The following IGF1R variants were observed in gnomAD, a reference collection of about 807,000 sequenced individuals.
IGF1R encodes insulin-like growth factor 1 receptor.
IGF1R carries 44 observed loss-of-function variants against 144.6 expected under a neutral mutation model. The ratio of observed to expected loss-of-function variants is 0.30; its 90% CI spans 0.24 to 0.39. The LOEUF is 0.39. IGF1R is among the 10% of genes least tolerant of loss of function. The pLI is 1.00. For missense variants in IGF1R, 1,355 were observed against 1,833.7 expected (o/e 0.74, Z 4.77); for synonymous variants, 795 against 722.8 (o/e 1.10, Z -1.60).
At chr15:98,936,937 G>T (rs2016176767) in intron 17 of IGF1R, among the ~76,000 whole-genome samples, 1 of 152,154 alleles carries the variant, frequency 6.6e-6, no homozygotes, top group South Asian at 2.1e-4. Flanking sequence ...CCAGGCTGGG[G>T]TGCAGTGGCA....
chr15:98,821,865 G>GCA (rs61539886), intron 2 of IGF1R, among the ~76,000 whole-genome samples: 2,926 of 151,778 alleles, frequency 0.019, 98 homozygotes, highest in African/African-American at 0.067. Flanking sequence ...GTGTATGTGT[G>GCA]CACACACACA....
chr15:98,728,995 A>G (rs2054432562), intron 2 of IGF1R, among the ~76,000 whole-genome samples: 1 of 152,238 alleles, frequency 6.6e-6, no homozygotes, highest in Admixed American at 6.5e-5. Context: ...AGAGGTAAAG[A>G]AAAGGGGTTA....
At chr15:98,864,681 C>T (rs2012332770) in intron 2 of IGF1R, among the ~76,000 whole-genome samples, 1 of 152,218 alleles carries the variant, frequency 6.6e-6, no homozygotes, top group Non-Finnish European at 1.5e-5. Context: ...CCACAGCGCT[C>T]AGCCTAAAAA....
At chr15:98,669,024 T>G (rs1458276937) in intron 1 of IGF1R, among the ~76,000 whole-genome samples, 2 of 152,260 alleles carry the variant, frequency 1.3e-5, no homozygotes, top group Admixed American at 6.5e-5. Context: ...CATTATGTTG[T>G]TTTGTTTCTG....
intron 2 of IGF1R, among the ~76,000 whole-genome samples, chr15:98,746,063 G>GC (rs1425046838): frequency 2.0e-5 from 3 of 152,184 alleles, no homozygotes; most frequent in African/African-American, 7.2e-5. Flanking sequence ...AGTATGCCCT[G>GC]CACCCCTGTG....
At chr15:98,735,161 A>G (rs1285081113) in intron 2 of IGF1R, among the ~76,000 whole-genome samples, 3 of 152,016 alleles carry the variant, frequency 2.0e-5, no homozygotes, top group Non-Finnish European at 4.4e-5. Flanking sequence ...AGAGGTGACC[A>G]CCCCTCGTTT....
intron 11 of IGF1R, 89 bp downstream of exon 11, chr15:98,922,520 G>T (rs2015532808): frequency 6.7e-7 from 1 of 1,499,582 alleles, no homozygotes; most frequent in African/African-American, 1.4e-5. Context: ...CTGACACCCA[G>T]GGCCATGACC....
At chr15:98,947,407 G>A (rs896008430) in intron 19 of IGF1R, among the ~76,000 whole-genome samples, 1 of 152,182 alleles carries the variant, frequency 6.6e-6, no homozygotes, top group Non-Finnish European at 1.5e-5. Context: ...CCTGCCCCAG[G>A]TTTTTCCATG....
chr15:98,794,259 C>T (rs2056190606), intron 2 of IGF1R, among the ~76,000 whole-genome samples: 1 of 152,180 alleles, frequency 6.6e-6, no homozygotes, highest in Non-Finnish European at 1.5e-5. Context: ...TTAGATGGCC[C>T]TCAAAGGTAC....
intron 2 of IGF1R, among the ~76,000 whole-genome samples, chr15:98,800,866 G>A (rs138945929): frequency 6.6e-6 from 1 of 152,264 alleles, no homozygotes; most frequent in Non-Finnish European, 1.5e-5. Context: ...GCAGCAGTTG[G>A]GTAATACATT....
At chr15:98,705,504 A>T (rs1343001043) in intron 1 of IGF1R, among the ~76,000 whole-genome samples, 2 of 152,186 alleles carry the variant, frequency 1.3e-5, no homozygotes, top group African/African-American at 2.4e-5. Context: ...GGTGTTTGCC[A>T]AGTGCTGGTT....
intron 2 of IGF1R, among the ~76,000 whole-genome samples, chr15:98,809,106 C>T (rs2056529869): frequency 6.6e-6 from 1 of 152,266 alleles, no homozygotes; most frequent in Admixed American, 6.5e-5. Flanking sequence ...GAAAAGAAAA[C>T]CCTGACGAGG....
chr15:98,686,482 G>A (rs1440220926), intron 1 of IGF1R, among the ~76,000 whole-genome samples: 1 of 152,062 alleles, frequency 6.6e-6, no homozygotes, highest in Non-Finnish European at 1.5e-5. Flanking sequence ...ATTTTTTGAG[G>A]AACCACTGTA....
chr15:98,936,046 C>T (rs1190006903), intron 17 of IGF1R, among the ~76,000 whole-genome samples: 4 of 152,086 alleles, frequency 2.6e-5, no homozygotes, highest in East Asian at 1.9e-4. Context: ...CAGCTCCGTG[C>T]GCAAGATGTG....
chr15:98,741,905 G>A (rs1045469707), intron 2 of IGF1R, among the ~76,000 whole-genome samples: 3 of 152,174 alleles, frequency 2.0e-5, no homozygotes, highest in Admixed American at 6.5e-5. Context: ...GTTTGTGTTC[G>A]TATATGCACA....
chr15:98,913,193 A>T lies in IGF1R; in HGVS notation c.1739A>T (p.Tyr580Phe). 6.2e-7 allele frequency: 1 copy of T among 1,614,222 alleles called. No homozygotes were observed. Among genetic ancestry groups the T allele is most frequent in the Non-Finnish European group, 8.5e-7 (1 of 1,180,036 alleles). Residue 580 changes from tyrosine (Y) to phenylalanine (F), a missense_variant, in exon 8 of 21, where the codon TAC becomes TTC. Tyr to Phe is a conservative substitution (Grantham distance 22, BLOSUM62 3). Coordinates refer to ENST00000650285, the MANE Select transcript of IGF1R (RefSeq NM_000875.5). ...GLKPWTQYAVYVKAVTLTMVE... is the reference protein window; with the variant it reads ...GLKPWTQYAVFVKAVTLTMVE... ...AAGCCCTGGACTCAGTACGCCGTTTACGTCAAGGCTGTGACCCTCACCATG... is the reference window on the plus strand; with the variant it reads ...AAGCCCTGGACTCAGTACGCCGTTTTCGTCAAGGCTGTGACCCTCACCATG...
Position 98,935,222 on chromosome 15 carries a change from C to G in IGF1R, c.3187-94C>G, listed in dbSNP as rs28401726. On this transcript the variant is annotated intron_variant, in intron 16 of 20. Transcript: ENST00000650285. This position sits in a 1 kb window ranked among gnomAD's most constrained non-coding sequence, Gnocchi z 4.2. ...TACCTTCAGACCCCTGTGCTCAGACCAGGCCGCAGCACCACAGAGACAGTT... is the reference window on the plus strand; with the variant it reads ...TACCTTCAGACCCCTGTGCTCAGACGAGGCCGCAGCACCACAGAGACAGTT... The G allele has an allele frequency of 0.1, 101,013 of 1,006,494 alleles. 5,516 individuals carry two copies. Among genetic ancestry groups the G allele is most frequent in the Middle Eastern group, 0.16 (520 of 3,338 alleles). 62.3% of individuals were successfully genotyped at this position (1,006,494 alleles called of 1,614,324 possible). A position where few individuals can be genotyped will look rare whatever the true frequency, so the allele number is the denominator to read the frequency against.
intron 18 of IGF1R, among the ~76,000 whole-genome samples, chr15:98,942,341 T>A (rs987100310): frequency 2.6e-5 from 4 of 152,148 alleles, no homozygotes; most frequent in Non-Finnish European, 5.9e-5. Context: ...TTTTTTCTTA[T>A]TTTTATTTTC....
chr15:98,703,291 A>G (rs1223460375), intron 1 of IGF1R, among the ~76,000 whole-genome samples: 18 of 152,230 alleles, frequency 1.2e-4, no homozygotes, highest in Non-Finnish European at 1.0e-4. Flanking sequence ...GTGAGTAGCC[A>G]CAAAGGGTGT....
Sources: gnomAD v4.1 joint callset for allele counts (sites outside exome capture counted in the v4.1 genomes callset) on GRCh38, gnomAD v4.1.1 for gene constraint, Gnocchi (gnomAD v3.1) non-coding constraint, MANE v1.5 for transcripts, NCBI Gene and HGNC (gene_info 2026-07-23, HGNC 2026-07-21) for gene names.